The following FDFT1 variants were observed in gnomAD, a reference collection of about 807,000 sequenced individuals.
The protein encoded by FDFT1 is farnesyl-diphosphate farnesyltransferase 1.
A neutral mutation model predicts 46.8 loss-of-function variants in FDFT1; 68 were observed. The observed-to-expected ratio is 1.45, with a 90% CI of 1.19 to 1.78. The LOEUF (loss-of-function observed/expected upper bound fraction) is 1.78, where lower values mean the gene tolerates loss of function less well. Ranked by LOEUF, FDFT1 falls within the 40% of genes most tolerant of loss-of-function variation. FDFT1 has a pLI of 0.00. For synonymous variants in FDFT1, 351 were observed against 185.1 expected, an observed-to-expected ratio of 1.90 and a Z score of -7.28; for missense variants, 928 against 524.4, an observed-to-expected ratio of 1.77 and a Z score of -7.52.
intron 2 of FDFT1, chr8:11,809,093 G>A: frequency 7.9e-7 from 1 of 1,273,816 alleles, no homozygotes; most frequent in East Asian, 3.0e-5. Context: ...TGCGGGCCCA[G>A]CCTTTCAGAG....
At chr8:11,799,123 A>C (rs1805851524), upstream of FDFT1, among the ~76,000 whole-genome samples, 1 of 152,244 alleles carries the variant, frequency 6.6e-6, no homozygotes, top group Non-Finnish European at 1.5e-5. Context: ...TAGAGACTCA[A>C]CATGTGAATG....
chr8:11,824,971 G>A (rs978137977), intron 4 of FDFT1, among the ~76,000 whole-genome samples: 9 of 151,922 alleles, frequency 5.9e-5, no homozygotes, highest in African/African-American at 1.7e-4. Flanking sequence ...TCCTGATCTC[G>A]TGATCCGCCC....
In FDFT1 at chr8:11,838,646, T is replaced by C. The variant is rs370085342; in HGVS notation, c.*37T>C. On this transcript the variant is annotated 3_prime_UTR_variant, in exon 8 of 8. Transcript: ENST00000220584. ...TCCATAGCTGAAGTCCACCATAAAGTGGATTTACTTTTTTTCTTTAAGGAT... is the reference window on the plus strand; with the variant it reads ...TCCATAGCTGAAGTCCACCATAAAGCGGATTTACTTTTTTTCTTTAAGGAT... 14 of 1,497,810 alleles carry C rather than the reference T, an allele frequency of 9.3e-6. No individual in the cohort carries two copies. The highest frequency in any genetic ancestry group is 1.3e-5 in the Non-Finnish European group (14 of 1,074,242). The allele number at this position is 1,497,810 out of a possible 1,614,324, so 92.8% of individuals were successfully genotyped here. A position where few individuals can be genotyped will look rare whatever the true frequency, so the allele number is the denominator to read the frequency against.
chr8:11,799,762 A>G (rs955379726), upstream of FDFT1, among the ~76,000 whole-genome samples: 7 of 152,064 alleles, frequency 4.6e-5, no homozygotes, highest in African/African-American at 1.7e-4. Flanking sequence ...CCTAACCAAC[A>G]TGGTGAAACC....
chr8:11,836,606 G>T (rs941442550), intron 7 of FDFT1, among the ~76,000 whole-genome samples: 1 of 152,378 alleles, frequency 6.6e-6, no homozygotes, highest in East Asian at 1.9e-4. Flanking sequence ...ATAAATGGCT[G>T]CATGCAAGCT....
intron 7 of FDFT1, among the ~76,000 whole-genome samples, chr8:11,832,095 C>T (rs542489011): frequency 6.6e-6 from 1 of 152,250 alleles, no homozygotes; most frequent in South Asian, 2.1e-4. Context: ...ATGCCACAGG[C>T]CTCAATTGAA....
chr8:11,816,548 C>T (rs955581568), intron 3 of FDFT1, among the ~76,000 whole-genome samples: 1 of 152,120 alleles, frequency 6.6e-6, no homozygotes, highest in Non-Finnish European at 1.5e-5. Flanking sequence ...TTTCATTGAG[C>T]AGTGGTTTGT....
rs531759815 is a variant in FDFT1, at chr8:11,832,551, C to CAAAAAAAAAAAAAAAAAAAAAA, written c.1032+885_1032+906dup. On this transcript the variant is annotated intron_variant, in intron 7 of 7. Transcript: ENST00000220584. The stretch of plus-strand genomic sequence containing the variant: ...TGGGTGATAGAGTGAGACTTTGTCT[C>CAAAAAAAAAAAAAAAAAAAAAA]AAAAAAAAAAAAAAAAAAAAAAAAA... Among the ~76,000 whole-genome samples, 14 of 36,374 alleles carry CAAAAAAAAAAAAAAAAAAAAAA rather than the reference C, an allele frequency of 3.8e-4. 1 individual carries two copies. The highest frequency in any genetic ancestry group is 9.4e-4 in the Admixed American group (2 of 2,118). The allele number at this position is 36,374 out of a possible 152,430, so 23.9% of individuals were successfully genotyped here. A position where few individuals can be genotyped will look rare whatever the true frequency, so the allele number is the denominator to read the frequency against.
chr8:11,829,169 G>C (rs996408376), intron 5 of FDFT1, among the ~76,000 whole-genome samples: 4 of 152,098 alleles, frequency 2.6e-5, no homozygotes, highest in African/African-American at 9.7e-5. Context: ...CTTTTTAACT[G>C]TATGTATATA....
rs1474292696 is a variant in FDFT1 at position 11,803,468 on chromosome 8, G to T, written c.99+537G>T. 8.7e-6 allele frequency: 11 copies of T among 1,269,108 alleles called. No individual in the cohort carries two copies. In the East Asian group the frequency reaches 4.5e-4, roughly 52 times the overall value. The allele number at this position is 1,269,108 out of a possible 1,614,324, so 78.6% of individuals were successfully genotyped here. On this transcript the variant is annotated intron_variant, in intron 1 of 7. Transcript: ENST00000220584. The stretch of plus-strand genomic sequence containing the variant: ...TAAAATCGCCTATCTACGCTTCCAA[G>T]TTCCAATGAGTTATCTAACGTCTAT...
intron 7 of FDFT1, among the ~76,000 whole-genome samples, chr8:11,835,494 T>G (rs138820370): frequency 6.9e-4 from 105 of 152,284 alleles, no homozygotes; most frequent in African/African-American, 2.3e-3. Context: ...AACCAAGATT[T>G]CTCTTAATTT....
intron 7 of FDFT1, among the ~76,000 whole-genome samples, chr8:11,833,471 G>C (rs1017060443): frequency 1.3e-5 from 2 of 152,132 alleles, no homozygotes; most frequent in African/African-American, 2.4e-5. Context: ...AGAGTGTTTT[G>C]GTTTTGCAGT....
intron 1 of FDFT1, 176 bp from the exon 2 acceptor site, chr8:11,808,618 C>CCCCG: frequency 7.2e-7 from 1 of 1,391,106 alleles, no homozygotes; most frequent in Non-Finnish European, 9.3e-7. Context: ...GCAGGCACCG[C>CCCCG]CCCGCGGGGC....
rs187600519 is a variant in FDFT1 at position 11,818,955 on chromosome 8, C to G, written c.382-2795C>G. The stretch of plus-strand genomic sequence containing the variant: ...GCAGTTTCTTCCTAGCCTCGATGGT[C>G]TTTACAATTTGGCATGTTTTTGCAG... On this transcript the variant is annotated intron_variant, in intron 3 of 7. Transcript: ENST00000220584. Among the ~76,000 whole-genome samples the G allele has an allele frequency of 2.5e-3, 378 of 152,292 alleles. 2 individuals are homozygous for G. The highest frequency in any genetic ancestry group is 9.3e-3 in the South Asian group (45 of 4,820).
chr8:11,805,059 C>T (rs180714187), intron 1 of FDFT1, among the ~76,000 whole-genome samples: 198 of 149,452 alleles, frequency 1.3e-3, no homozygotes, highest in East Asian at 3.2e-3. Context: ...GGACTCCAGG[C>T]ACGTGTCACC....
At chr8:11,797,701 A>AG (rs1421907290), upstream of FDFT1, among the ~76,000 whole-genome samples, 2 of 151,950 alleles carry the variant, frequency 1.3e-5, no homozygotes, top group Non-Finnish European at 2.9e-5. Flanking sequence ...GAACAGATAA[A>AG]GGAGAGGCCA....
At chr8:11,804,217 C>A (rs1284389868) in intron 1 of FDFT1, among the ~76,000 whole-genome samples, 1 of 152,202 alleles carries the variant, frequency 6.6e-6, no homozygotes, top group Non-Finnish European at 1.5e-5. Flanking sequence ...GAGGAAGATA[C>A]TAGCAGGGCA....
At chr8:11,797,638 CAAA>C (rs34350077), upstream of FDFT1, among the ~76,000 whole-genome samples, 6 of 75,522 alleles carry the variant, frequency 7.9e-5, no homozygotes, top group South Asian at 6.6e-4. Flanking sequence ...CACACACACT[CAAA>C]AAAAAAAAAA....
intron 1 of FDFT1, among the ~76,000 whole-genome samples, chr8:11,804,092 A>T (rs990472239): frequency 6.6e-6 from 1 of 152,276 alleles, no homozygotes; most frequent in African/African-American, 2.4e-5. Flanking sequence ...TGCTGGAGGT[A>T]CAACAGTGAA....
Sources: allele counts gnomAD v4.1 joint callset (sites outside exome capture counted in the v4.1 genomes callset), GRCh38; gene constraint gnomAD v4.1.1; transcripts MANE v1.5; gene names NCBI Gene and HGNC (gene_info 2026-07-23, HGNC 2026-07-21).